The following PIKFYVE variants were observed in gnomAD, a reference collection of about 807,000 sequenced individuals.
PIKFYVE encodes the protein phosphoinositide kinase, FYVE-type zinc finger containing, also known as 1-phosphatidylinositol 3-phosphate 5-kinase.
Under a neutral mutation model 257.9 loss-of-function variants are expected in PIKFYVE, and 122 were observed. The ratio of observed to expected loss-of-function variants is 0.47; its 90% confidence interval spans 0.41 to 0.55. The LOEUF (loss-of-function observed/expected upper bound fraction) is 0.55. Ranked by LOEUF, PIKFYVE falls within the 20% of genes least tolerant of loss-of-function variation. The pLI, the probability that PIKFYVE is intolerant of heterozygous loss-of-function variation, is 0.00. For synonymous variants in PIKFYVE, 892 were observed against 868.9 expected (o/e 1.03, Z -0.47); for missense variants, 2,160 against 2,536.6 (o/e 0.85, Z 3.19).
intron 10 of PIKFYVE, among the ~76,000 whole-genome samples, chr2:208,303,149 G>A (rs752443381): frequency 6.6e-6 from 1 of 152,010 alleles, no homozygotes; most frequent in Non-Finnish European, 1.5e-5. Context: ...CTTTAGGGAA[G>A]TGGAAATTAT....
At chr2:208,302,005 A>T (rs1693751589) in intron 9 of PIKFYVE, among the ~76,000 whole-genome samples, 1 of 152,098 alleles carries the variant, frequency 6.6e-6, no homozygotes, top group South Asian at 2.1e-4. Flanking sequence ...GCTGTTATTA[A>T]AATTAGGTTT....
At chr2:208,342,046 G>A (rs1312324292) in intron 31 of PIKFYVE, among the ~76,000 whole-genome samples, 3 of 151,814 alleles carry the variant, frequency 2.0e-5, no homozygotes. Flanking sequence ...CATGTTTGGT[G>A]TTCAGTAAGT....
At chr2:208,288,686 T>C (rs1234512952) in intron 6 of PIKFYVE, 43 bp from the exon 7 acceptor site, 3 of 1,611,462 alleles carry the variant, frequency 1.9e-6, no homozygotes, top group Non-Finnish European at 1.7e-6. Flanking sequence ...AATTCCCTTT[T>C]ACTGTCCTGA....
chr2:208,336,251 A>G, intron 27 of PIKFYVE, 51 bp downstream of exon 27: 1 of 1,606,178 alleles, frequency 6.2e-7, no homozygotes, highest in Non-Finnish European at 8.5e-7. Flanking sequence ...CATTTGTTCT[A>G]ATGTGATATC....
In PIKFYVE at chr2:208,347,867, G is replaced by C. The variant is rs751508692; in HGVS notation, c.5218G>C (p.Ala1740Pro). ...TTACTTCTTATTTTTAGCCAAAAAG[G>C]CTTCTGGAATGTTGTCCTTCTTCAG... ...TETEPQPTKK[A>P]SGMLSFFRGT... The change falls in exon 35 of 42, where the codon GCT becomes CCT. Residue 1740 changes from alanine to proline, a missense_variant. Ala to Pro is a conservative substitution (Grantham distance 27). Transcript: ENST00000264380. 27 of 1,612,576 alleles carry C rather than the reference G, an allele frequency of 1.7e-5. No homozygotes were observed. Among genetic ancestry groups the C allele is most frequent in the Non-Finnish European group, 2.0e-5 (24 of 1,179,436 alleles).
intron 16 of PIKFYVE, among the ~76,000 whole-genome samples, chr2:208,319,930 C>G (rs963011075): frequency 6.6e-6 from 1 of 151,992 alleles, no homozygotes; most frequent in African/African-American, 2.4e-5. Flanking sequence ...TCATTAAATA[C>G]TGCTCCCTCC....
intron 31 of PIKFYVE, among the ~76,000 whole-genome samples, chr2:208,341,482 C>T (rs922828342): frequency 2.0e-5 from 3 of 152,132 alleles, no homozygotes; most frequent in Non-Finnish European, 4.4e-5. Context: ...CTTATGATTC[C>T]TGTCTTGGTC....
At chr2:208,274,005 G>T in intron 3 of PIKFYVE, 1 of 1,610,814 alleles carries the variant, frequency 6.2e-7, no homozygotes, top group Non-Finnish European at 8.5e-7. Context: ...TTAATTACTT[G>T]CTTGGGTTTC....
At chr2:208,316,450 A>G (rs949345896) in intron 15 of PIKFYVE, among the ~76,000 whole-genome samples, 37 of 151,962 alleles carry the variant, frequency 2.4e-4, no homozygotes, top group African/African-American at 8.5e-4. Flanking sequence ...AGGAATCACC[A>G]CACTGACTTC....
At chr2:208,334,280 CAG>C (rs1219430352) in intron 24 of PIKFYVE, 2 of 152,550 alleles carry the variant, frequency 1.3e-5, no homozygotes, top group Non-Finnish European at 2.9e-5. Context: ...ACACAGCAGT[CAG>C]AGTGGTTCTG....
chr2:208,325,402 A>C lies in PIKFYVE; in HGVS notation c.2591A>C (p.Tyr864Ser), dbSNP rs147128074. 3.1e-6 allele frequency: 5 copies of C among 1,614,184 alleles called. No homozygotes were observed. Among genetic ancestry groups the C allele is most frequent in the Non-Finnish European group, 3.4e-6 (4 of 1,180,036 alleles). ...CTAATATTTATGATCTGTGTTGCTT[A>C]TCATTCTCAACTAGAAATATCCTTT... ...EILIFMICVA[Y>S]HSQLEISFLM... is the part of the protein sequence containing the mutation. Residue 864 changes from tyrosine to serine, a missense_variant, in exon 20 of 42, where the codon TAT becomes TCT. Transcript: ENST00000264380.
intron 30 of PIKFYVE, 119 bp from the exon 31 acceptor site, chr2:208,339,892 C>T (rs1698539120): frequency 8.4e-7 from 1 of 1,189,340 alleles, no homozygotes; most frequent in South Asian, 1.4e-5. Context: ...AAATTTTAAA[C>T]TGTTATTGGT....
At chr2:208,294,774 C>T (rs1692753763) in intron 7 of PIKFYVE, among the ~76,000 whole-genome samples, 1 of 152,090 alleles carries the variant, frequency 6.6e-6, no homozygotes, top group Admixed American at 6.6e-5. Context: ...TGATATAACT[C>T]CAGCAGGTTA....
At chr2:208,280,250 G>A (rs1271928055) in intron 5 of PIKFYVE, among the ~76,000 whole-genome samples, 3 of 152,142 alleles carry the variant, frequency 2.0e-5, no homozygotes, top group Non-Finnish European at 2.9e-5. Flanking sequence ...TAGTTCTGGA[G>A]GCCAGAAGTA....
chr2:208,272,842 TG>T (rs1332214176), intron 2 of PIKFYVE, among the ~76,000 whole-genome samples: 1 of 152,168 alleles, frequency 6.6e-6, no homozygotes, highest in Non-Finnish European at 1.5e-5. Context: ...ACAGAAAAAT[TG>T]GGAAGATAGA....
intron 15 of PIKFYVE, among the ~76,000 whole-genome samples, 199 bp downstream of exon 15, chr2:208,315,572 A>C (rs1226797290): frequency 1.3e-5 from 2 of 152,198 alleles, no homozygotes; most frequent in Non-Finnish European, 2.9e-5. Context: ...GGTCAATGGA[A>C]AGGATGAGTT....
At chr2:208,297,117 C>G (rs16840864) in intron 7 of PIKFYVE, among the ~76,000 whole-genome samples, 88 of 152,266 alleles carry the variant, frequency 5.8e-4, no homozygotes, top group African/African-American at 2.0e-3. Flanking sequence ...TTAGGAAAGA[C>G]GTAATTTAGT....
intron 10 of PIKFYVE, 134 bp downstream of exon 10, chr2:208,302,487 A>G: frequency 1.1e-6 from 1 of 887,104 alleles, no homozygotes; most frequent in Non-Finnish European, 1.8e-6. Context: ...GAGGAAAGTT[A>G]AAACTTTTTT....
At chr2:208,354,184 T>C (rs762871927) in intron 40 of PIKFYVE, 25 bp downstream of exon 40, 3 of 1,608,012 alleles carry the variant, frequency 1.9e-6, no homozygotes, top group South Asian at 1.1e-5. Context: ...ACCCTGCTTA[T>C]ATTTCATGAT....
Sources: allele counts gnomAD v4.1 joint callset (sites outside exome capture counted in the v4.1 genomes callset), GRCh38; gene constraint gnomAD v4.1.1; transcripts MANE v1.5; gene names NCBI Gene and HGNC (gene_info 2026-07-23, HGNC 2026-07-21).